FHOD3: variants seen among roughly 807,000 people sequenced by gnomAD.
FHOD3 encodes FH1/FH2 domain-containing protein 3.
A neutral mutation model predicts 173.0 loss-of-function variants in FHOD3; 90 were observed. The ratio of observed to expected loss-of-function variants is 0.52; its 90% confidence interval spans 0.44 to 0.62. The LOEUF is 0.62. Ranked by LOEUF, FHOD3 falls within the 20% of genes least tolerant of loss-of-function variation. FHOD3 has a pLI of 0.00. For synonymous variants in FHOD3, 828 were observed against 823.0 expected (o/e 1.01, Z -0.10); for missense variants, 1,945 against 2,034.7 (o/e 0.96, Z 0.85).
Position 36,737,563 on chromosome 18 carries a change from G to A in FHOD3, c.3577-3093G>A, listed in dbSNP as rs367795504. 1.7e-4 allele frequency among the ~76,000 whole-genome samples: 26 copies of A among 152,310 alleles called. No homozygotes were observed. In the East Asian group the frequency reaches 2.3e-3, roughly 14 times the overall value. On this transcript the variant is annotated intron_variant, in intron 20 of 28. Coordinates refer to ENST00000590592, the MANE Select transcript of FHOD3 (RefSeq NM_001281740.3). The stretch of plus-strand genomic sequence containing the variant: ...TGCTCAAACTCCACCTGAAGCCTCA[G>A]TGATTGGAGCCCTGGTGAAGGGAAA...
chr18:36,555,397 A>C (rs558476361), intron 5 of FHOD3, among the ~76,000 whole-genome samples: 30 of 150,402 alleles, frequency 2.0e-4, no homozygotes, highest in Admixed American at 1.8e-3. Flanking sequence ...AAAAAAAAAA[A>C]CAAAAAACAT....
At chr18:36,404,274 A>G (rs2048958626) in intron 3 of FHOD3, among the ~76,000 whole-genome samples, 1 of 152,136 alleles carries the variant, frequency 6.6e-6, no homozygotes, top group African/African-American at 2.4e-5. Context: ...TGTTGGTGAC[A>G]TATCCCCTGG....
chr18:36,304,940 C>T (rs970820467), intron 1 of FHOD3, among the ~76,000 whole-genome samples: 3 of 152,190 alleles, frequency 2.0e-5, no homozygotes, highest in African/African-American at 7.2e-5. Flanking sequence ...GCCAGCTCTG[C>T]GTCCGCCTTC....
At chr18:36,516,959 C>G (rs2056018866) in intron 5 of FHOD3, among the ~76,000 whole-genome samples, 1 of 151,564 alleles carries the variant, frequency 6.6e-6, no homozygotes, top group Admixed American at 6.6e-5. Flanking sequence ...CTTTATTTGT[C>G]TTTATTTGCA....
At chr18:36,523,814 G>A (rs2056387978) in intron 5 of FHOD3, among the ~76,000 whole-genome samples, 1 of 152,206 alleles carries the variant, frequency 6.6e-6, no homozygotes, top group South Asian at 2.1e-4. Context: ...GATGAAAGCA[G>A]AGCTGTTTAA....
intron 17 of FHOD3, among the ~76,000 whole-genome samples, chr18:36,694,124 G>T (rs1335448593): frequency 6.6e-6 from 1 of 152,180 alleles, no homozygotes; most frequent in Non-Finnish European, 1.5e-5. Flanking sequence ...CACAGGGATG[G>T]TTCTCAGCAG....
At chr18:36,704,684 C>A (rs1600324040) in intron 17 of FHOD3, among the ~76,000 whole-genome samples, 1 of 152,200 alleles carries the variant, frequency 6.6e-6, no homozygotes. Flanking sequence ...CTTCACTGTT[C>A]TCTCCTGGCC....
chr18:36,647,567 A>G (rs1390323861), intron 10 of FHOD3, among the ~76,000 whole-genome samples: 4 of 152,224 alleles, frequency 2.6e-5, no homozygotes, highest in East Asian at 3.8e-4. Flanking sequence ...ACCCAAGCAT[A>G]TCTTATGACC....
At chr18:36,616,510 A>C (rs2033217231) in intron 9 of FHOD3, among the ~76,000 whole-genome samples, 2 of 152,206 alleles carry the variant, frequency 1.3e-5, no homozygotes, top group Non-Finnish European at 2.9e-5. Context: ...ACTTTGAAGA[A>C]ATTATACTGT....
At chr18:36,338,795 G>A (rs2045458400) in intron 1 of FHOD3, among the ~76,000 whole-genome samples, 1 of 152,174 alleles carries the variant, frequency 6.6e-6, no homozygotes, top group East Asian at 1.9e-4. Context: ...CAGATGCCAG[G>A]TGGAGCTAGA....
intron 25 of FHOD3, among the ~76,000 whole-genome samples, chr18:36,757,476 A>C (rs2042680141): frequency 6.6e-6 from 1 of 152,220 alleles, no homozygotes; most frequent in South Asian, 2.1e-4. Flanking sequence ...CCTGGTTAAA[A>C]ATGGCATATA....
At chr18:36,641,031 A>G (rs1012134729) in intron 10 of FHOD3, among the ~76,000 whole-genome samples, 4 of 152,074 alleles carry the variant, frequency 2.6e-5, no homozygotes, top group Non-Finnish European at 5.9e-5. Context: ...GAGATCTCTG[A>G]GGTCATCTCC....
intron 5 of FHOD3, among the ~76,000 whole-genome samples, chr18:36,571,128 A>C (rs1010413811): frequency 1.3e-5 from 2 of 152,188 alleles, no homozygotes; most frequent in Non-Finnish European, 2.9e-5. Flanking sequence ...ATCTACAAAA[A>C]CAAAACAAAA....
intron 17 of FHOD3, among the ~76,000 whole-genome samples, chr18:36,698,403 T>C (rs2039402909): frequency 6.6e-6 from 1 of 152,136 alleles, no homozygotes; most frequent in African/African-American, 2.4e-5. Context: ...TGGGATTGAG[T>C]CCTTCTGAAG....
chr18:36,372,799 G>A (rs1391423453), intron 3 of FHOD3, 55 bp downstream of exon 3: 4 of 1,465,144 alleles, frequency 2.7e-6, no homozygotes, highest in African/African-American at 1.4e-5. Flanking sequence ...GCGACTTATG[G>A]GAATAAAATA....
At chr18:36,355,417 G>A (rs1039503078) in intron 1 of FHOD3, 122 bp from the exon 2 acceptor site, 4 of 734,746 alleles carry the variant, frequency 5.4e-6, no homozygotes, top group Non-Finnish European at 9.2e-6. Context: ...TTCAAGTTAT[G>A]ATCCACATTT....
At chr18:36,653,045 G>C (rs1444831565) in intron 12 of FHOD3, 116 bp downstream of exon 12, 1 of 1,359,436 alleles carries the variant, frequency 7.4e-7, no homozygotes, top group African/African-American at 1.5e-5. Flanking sequence ...TTCAGCCCAA[G>C]CAGGGAGCAG....
At chr18:36,317,822 A>G (rs949199484) in intron 1 of FHOD3, among the ~76,000 whole-genome samples, 2 of 152,182 alleles carry the variant, frequency 1.3e-5, no homozygotes, top group Non-Finnish European at 2.9e-5. Context: ...CCTGAATGGT[A>G]TTGCCTAGGT....
At chr18:36,479,754 A>G (rs2053780458) in intron 3 of FHOD3, among the ~76,000 whole-genome samples, 1 of 152,188 alleles carries the variant, frequency 6.6e-6, no homozygotes, top group Non-Finnish European at 1.5e-5. Flanking sequence ...AATGTCTGTA[A>G]TCAGTAGATC....
Sources: gnomAD v4.1 joint callset for allele counts (sites outside exome capture counted in the v4.1 genomes callset) on GRCh38, gnomAD v4.1.1 for gene constraint, MANE v1.5 for transcripts, NCBI Gene and HGNC (gene_info 2026-07-23, HGNC 2026-07-21) for gene names.